Variants in CNDP1 observed in about 807,000 individuals in gnomAD.
CNDP1 encodes carnosine dipeptidase 1.
In CNDP1, 44 loss-of-function variants were observed where a neutral mutation model predicts 58.1. The ratio of observed to expected loss-of-function variants is 0.76; its 90% confidence interval spans 0.60 to 0.97. The LOEUF is 0.97. Among genes scored for constraint, CNDP1 ranks in the 50% least tolerant of loss-of-function variants. The pLI is 0.00. For missense variants in CNDP1, 616 were observed against 655.1 expected, an observed-to-expected ratio of 0.94 and a Z score of 0.65; for synonymous variants, 254 against 252.6, an observed-to-expected ratio of 1.01 and a Z score of -0.05.
At chr18:74,567,873 T>C (rs540622968) in intron 6 of CNDP1, among the ~76,000 whole-genome samples, 6 of 152,248 alleles carry the variant, frequency 3.9e-5, no homozygotes, top group South Asian at 4.1e-4. Context: ...AGAAGGAACA[T>C]TGGTGTCGCC....
chr18:74,546,152 C>T (rs1212637622), intron 1 of CNDP1, among the ~76,000 whole-genome samples: 3 of 152,218 alleles, frequency 2.0e-5, no homozygotes, highest in Non-Finnish European at 4.4e-5. Flanking sequence ...TGTCATTGTG[C>T]TACAAGCCAC....
At position 74,584,505 on chromosome 18, in the gene CNDP1, C is replaced by T. The variant is rs1361631723; in HGVS notation, c.1467C>T (p.Tyr489=). ...SQNEKINRWN[Y]IEGTKLFAAF... ...TTTTTCCTCTTCTTAGGTGGAACTA[C>T]ATAGAGGGAACCAAATTATTTGCTG... The change falls in exon 12 of 12, where the codon TAC becomes TAT. Residue 489 remains tyrosine (Y), a synonymous_variant. Coordinates refer to ENST00000358821, the MANE Select transcript of CNDP1 (RefSeq NM_032649.6). 1 of 1,612,364 alleles carries T rather than the reference C, an allele frequency of 6.2e-7. No homozygotes were observed. Among genetic ancestry groups the T allele is most frequent in the South Asian group, 1.1e-5 (1 of 91,042 alleles).
chr18:74,578,671 A>G (rs1195371963), intron 9 of CNDP1, among the ~76,000 whole-genome samples: 1 of 152,168 alleles, frequency 6.6e-6, no homozygotes. Context: ...CCTCAAGTAT[A>G]TGCAATTACA....
intron 10 of CNDP1, among the ~76,000 whole-genome samples, chr18:74,581,731 G>C (rs1282703663): frequency 1.3e-5 from 2 of 152,144 alleles, no homozygotes; most frequent in Non-Finnish European, 2.9e-5. Context: ...CAGGGAGCAG[G>C]GACACCCAGT....
Position 74,577,123 on chromosome 18 carries a change from C to T in CNDP1, c.1002+94C>T, listed in dbSNP as rs534315101. The T allele has an allele frequency of 9.1e-5, 104 of 1,141,874 alleles. 1 individual carries two copies. In the South Asian group the frequency reaches 1.9e-3, roughly 21 times the overall value. 70.7% of individuals were successfully genotyped at this position (1,141,874 alleles called of 1,614,324 possible). A position where few individuals can be genotyped will look rare whatever the true frequency, so the allele number is the denominator to read the frequency against. On this transcript the variant is annotated intron_variant, in intron 8 of 11. Coordinates refer to ENST00000358821, the MANE Select transcript of CNDP1 (RefSeq NM_032649.6). ...TAAGTCATTGTCTGGTGCTAATCTC[C>T]GTATCTTAGAATCCAAAGCAGATGT...
chr18:74,585,915 A>AC lies in CNDP1; in HGVS notation c.*1356dup, dbSNP rs1265520775. The AC allele has an allele frequency of 6.7e-6, 1 of 149,048 alleles. No homozygotes were observed. Among genetic ancestry groups the AC allele is most frequent in the Non-Finnish European group, 1.5e-5 (1 of 67,646 alleles). The allele number at this position is 149,048 out of a possible 1,614,324, so 9.2% of individuals were successfully genotyped here. ...AGGCTGAGGCAGGAGAATCGCTTGA[A>AC]CCCAGGAGGCGGAAGTTGCAGTGAA... On this transcript the variant is annotated 3_prime_UTR_variant, in exon 12 of 12. Transcript: ENST00000358821.
chr18:74,535,200 G>A (rs910945110), intron 1 of CNDP1, among the ~76,000 whole-genome samples: 6 of 152,188 alleles, frequency 3.9e-5, no homozygotes, highest in African/African-American at 1.2e-4. Context: ...TGGCGGGAAG[G>A]CTTCTCTCTA....
At chr18:74,579,751 G>A (rs1331488936) in intron 9 of CNDP1, among the ~76,000 whole-genome samples, 4 of 152,206 alleles carry the variant, frequency 2.6e-5, no homozygotes, top group Admixed American at 1.3e-4. Flanking sequence ...AAAAGAGGAC[G>A]ATTCAAAAGA....
chr18:74,562,882 G>A (rs1894199901), intron 5 of CNDP1, among the ~76,000 whole-genome samples: 1 of 152,208 alleles, frequency 6.6e-6, no homozygotes, highest in South Asian at 2.1e-4. Context: ...GGATCTAGCT[G>A]TGTGGCCTTG....
chr18:74,547,236 C>G (rs1239361000), intron 1 of CNDP1, among the ~76,000 whole-genome samples: 2 of 152,222 alleles, frequency 1.3e-5, no homozygotes, highest in African/African-American at 4.8e-5. Flanking sequence ...GCAGACCCAG[C>G]ACAGAGCAAC....
rs1981620464 is a variant in CNDP1, at chr18:74,575,834, T to TATGTGTGTGTGG, written c.842-1035_842-1034insATGTGTGTGTGG. On this transcript the variant is annotated intron_variant, in intron 7 of 11. Transcript: ENST00000358821. The stretch of plus-strand genomic sequence containing the variant: ...GTATGTATGTAGGTGTGTATACATG[T>TATGTGTGTGTGG]GTGTGTGTGTGTGTGTGTGTGTGTG... 1.9e-5 allele frequency among the ~76,000 whole-genome samples: 2 copies of TATGTGTGTGTGG among 104,528 alleles called. 1 individual carries two copies. Among genetic ancestry groups the TATGTGTGTGTGG allele is most frequent in the Admixed American group, 1.7e-4 (2 of 11,502 alleles). The allele number at this position is 104,528 out of a possible 152,430, so 68.6% of individuals were successfully genotyped here.
At chr18:74,562,684 G>A (rs1343395899) in intron 5 of CNDP1, among the ~76,000 whole-genome samples, 2 of 152,212 alleles carry the variant, frequency 1.3e-5, no homozygotes, top group African/African-American at 4.8e-5. Flanking sequence ...CCAAATAAGG[G>A]CTCTGGAGCA....
chr18:74,542,908 T>C (rs1023757630), intron 1 of CNDP1, among the ~76,000 whole-genome samples: 4 of 152,232 alleles, frequency 2.6e-5, no homozygotes, highest in Admixed American at 1.3e-4. Context: ...GAGGCAACCA[T>C]TGCATTTTAG....
At position 74,586,548 on chromosome 18, in the gene CNDP1, G is replaced by A. The variant is rs968354662; in HGVS notation, c.*1986G>A. On this transcript the variant is annotated 3_prime_UTR_variant, in exon 12 of 12. Transcript: ENST00000358821. ...AGAAGTTACCCAACAATATGTATTC[G>A]CTGATCTTCATTCCTGCTGAATCTG... 3 of 152,118 alleles carry A rather than the reference G, an allele frequency of 2.0e-5. No homozygotes were observed. Among genetic ancestry groups the A allele is most frequent in the African/African-American group, 4.8e-5 (2 of 41,426 alleles). The allele number at this position is 152,118 out of a possible 1,614,324, so 9.4% of individuals were successfully genotyped here.
In CNDP1 at chr18:74,573,279, TATCC is replaced by T. The variant is rs554984784; in HGVS notation, c.841+2021_841+2024del. Among the ~76,000 whole-genome samples the T allele has an allele frequency of 1.3e-3, 194 of 152,196 alleles. 1 individual carries two copies. The highest frequency in any genetic ancestry group is 1.9e-3 in the Non-Finnish European group (130 of 67,984). ...ATTATCTATCCATCTATCATCTTTC[TATCC>T]ATCCATCCATCTATCCATTCATCCA... On this transcript the variant is annotated intron_variant, in intron 7 of 11. Coordinates refer to ENST00000358821, the MANE Select transcript of CNDP1 (RefSeq NM_032649.6).
rs775113369 is a variant in CNDP1 at position 74,583,687 on chromosome 18, C to A, written c.1436C>A (p.Ser479Ter). The change falls in exon 11 of 12, where the codon TCG becomes TAG. Residue 479 changes from serine to a stop codon, truncating the protein, a stop_gained. Transcript: ENST00000358821. LOFTEE classifies it high-confidence loss of function. ...GGAGCTGTTGATGATGGAGAACATT[C>A]GCAGAATGAGAAAATCAACAGGTCA... Reference protein sequence around the residue: ...PLGAVDDGEHSQNEKINRWNY... With the variant: ...PLGAVDDGEH 1.2e-6 allele frequency: 2 copies of A among 1,614,132 alleles called. No individual in the cohort carries two copies. The highest frequency in any genetic ancestry group is 4.5e-5 in the East Asian group (2 of 44,880).
At chr18:74,562,528 A>G (rs1216273822) in intron 5 of CNDP1, among the ~76,000 whole-genome samples, 2 of 152,036 alleles carry the variant, frequency 1.3e-5, no homozygotes, top group African/African-American at 4.8e-5. Context: ...TCTTCTTATC[A>G]CAAAGTATGA....
At chr18:74,566,096 T>G (rs1436793504) in intron 5 of CNDP1, among the ~76,000 whole-genome samples, 1 of 152,226 alleles carries the variant, frequency 6.6e-6, no homozygotes, top group African/African-American at 2.4e-5. Context: ...GAGCTGTACA[T>G]TGGCCCCTTT....
chr18:74,557,584 C>T (rs1321988366), intron 2 of CNDP1, among the ~76,000 whole-genome samples: 2 of 151,966 alleles, frequency 1.3e-5, no homozygotes, highest in African/African-American at 2.4e-5. Context: ...TGTGGCCATC[C>T]GGTCCCATCC....
Sources: gnomAD v4.1 joint callset for allele counts (sites outside exome capture counted in the v4.1 genomes callset) on GRCh38, gnomAD v4.1.1 for gene constraint, MANE v1.5 for transcripts, NCBI Gene and HGNC (gene_info 2026-07-23, HGNC 2026-07-21) for gene names.